Variants in DIAPH2 observed in about 807,000 individuals in gnomAD.
DIAPH2 encodes protein diaphanous homolog 2.
In DIAPH2, 35 loss-of-function variants were observed where a neutral mutation model predicts 92.7. The ratio of observed to expected loss-of-function variants is 0.38; its 90% CI spans 0.29 to 0.50. DIAPH2 has a LOEUF of 0.50. DIAPH2 is among the 20% of genes least tolerant of loss of function. DIAPH2 has a pLI of 0.94. For synonymous variants in DIAPH2, 301 were observed against 280.4 expected, an observed-to-expected ratio of 1.07 and a Z score of -0.73; for missense variants, 701 against 819.5, an observed-to-expected ratio of 0.86 and a Z score of 1.77.
chrX:96,914,829 A>G (rs1310388679), intron 7 of DIAPH2, among the ~76,000 whole-genome samples: 1 of 111,716 alleles, frequency 9.0e-6, no homozygotes, highest in Admixed American at 9.5e-5. Context: ...AGCATGGATT[A>G]ATGGATCTTT....
chrX:97,251,886 C>G (rs1291258911), intron 23 of DIAPH2, among the ~76,000 whole-genome samples: 2 of 111,829 alleles, frequency 1.8e-5, no homozygotes, highest in Non-Finnish European at 3.8e-5. Context: ...CTTCTTGCTT[C>G]TGTGGTCCTC....
intron 23 of DIAPH2, among the ~76,000 whole-genome samples, chrX:97,266,876 A>G (rs1176301849): frequency 1.8e-5 from 2 of 111,929 alleles, no homozygotes; most frequent in African/African-American, 6.5e-5. Flanking sequence ...AAATGACACG[A>G]TAATTCTTTG....
At chrX:97,046,703 G>A (rs1478909605) in intron 17 of DIAPH2, among the ~76,000 whole-genome samples, 1 of 111,917 alleles carries the variant, frequency 8.9e-6, no homozygotes, top group Non-Finnish European at 1.9e-5. Context: ...AGGGGAAAGT[G>A]CATTAGATAA....
chrX:97,597,856 A>C (rs1281142670), intron 26 of DIAPH2, among the ~76,000 whole-genome samples: 1 of 111,564 alleles, frequency 9.0e-6, no homozygotes, highest in African/African-American at 3.3e-5. Flanking sequence ...CATCACTCAG[A>C]TATATCTCTG....
At chrX:97,189,430 T>TCC (rs1167522094) in intron 22 of DIAPH2, among the ~76,000 whole-genome samples, 7 of 84,721 alleles carry the variant, frequency 8.3e-5, no homozygotes, top group Non-Finnish European at 1.1e-4. Context: ...GAATCAGTCG[T>TCC]CCCCCCCCCT....
chrX:96,980,038 C>T (rs983491284), intron 17 of DIAPH2, among the ~76,000 whole-genome samples: 1 of 110,769 alleles, frequency 9.0e-6, no homozygotes, highest in Non-Finnish European at 1.9e-5. Flanking sequence ...GTACCCACAA[C>T]CCCCGAAGCC....
intron 9 of DIAPH2, among the ~76,000 whole-genome samples, chrX:96,925,887 G>A (rs751223023): frequency 1.8e-5 from 2 of 111,314 alleles, no homozygotes; most frequent in East Asian, 5.6e-4. Context: ...ACTTCCGTTG[G>A]CTTGGAAAGT....
At chrX:96,795,205 C>A (rs1292780318) in intron 4 of DIAPH2, among the ~76,000 whole-genome samples, 1 of 111,484 alleles carries the variant, frequency 9.0e-6, no homozygotes, top group Non-Finnish European at 1.9e-5. Context: ...CTAACTATGA[C>A]CTCCCTGTCA....
At chrX:97,160,334 G>C (rs780719413) in intron 22 of DIAPH2, among the ~76,000 whole-genome samples, 1 of 112,364 alleles carries the variant, frequency 8.9e-6, no homozygotes, top group Non-Finnish European at 1.9e-5. Flanking sequence ...GAAGAGAACA[G>C]AGAATCTTGT....
Position 97,467,489 on chromosome X carries a change from T to C in DIAPH2, c.3241+37744T>C, listed in dbSNP as rs769977718. Among the ~76,000 whole-genome samples the C allele has an allele frequency of 1.6e-4, 18 of 112,024 alleles. No individual in the cohort carries two copies. In the East Asian group the frequency reaches 5.0e-3, roughly 31 times the overall value. On this transcript the variant is annotated intron_variant, in intron 26 of 26. Transcript: ENST00000324765. ...AAATGTGACTTGTGGATTCCCTTTGTACAGGACATATTCTTTGGTGTTAAT... is the reference window on the plus strand; with the variant it reads ...AAATGTGACTTGTGGATTCCCTTTGCACAGGACATATTCTTTGGTGTTAAT...
chrX:97,411,469 C>T (rs2069872423), intron 25 of DIAPH2, among the ~76,000 whole-genome samples: 1 of 111,703 alleles, frequency 9.0e-6, no homozygotes, highest in Non-Finnish European at 1.9e-5. Context: ...TAAAGACCAT[C>T]GAGGCTAGGA....
chrX:96,701,217 T>C (rs1283022063), intron 1 of DIAPH2, among the ~76,000 whole-genome samples: 1 of 111,969 alleles, frequency 8.9e-6, no homozygotes, highest in African/African-American at 3.2e-5. Flanking sequence ...ATGTATGTTA[T>C]AGTGTTCATT....
intron 21 of DIAPH2, among the ~76,000 whole-genome samples, chrX:97,128,291 G>A (rs1251627920): frequency 9.0e-6 from 1 of 110,650 alleles, no homozygotes; most frequent in East Asian, 2.9e-4. Flanking sequence ...AATTGTCATG[G>A]CGCTGGTGGG....
intron 17 of DIAPH2, among the ~76,000 whole-genome samples, chrX:97,046,774 A>G (rs1231346076): frequency 8.9e-6 from 1 of 111,908 alleles, no homozygotes; most frequent in Non-Finnish European, 1.9e-5. Context: ...CAGGGAGGCA[A>G]GTGAGGACAG....
At chrX:97,487,799 A>G (rs1468261721) in intron 26 of DIAPH2, among the ~76,000 whole-genome samples, 2 of 110,564 alleles carry the variant, frequency 1.8e-5, no homozygotes, top group Admixed American at 1.9e-4. Flanking sequence ...GTTGTTAAAT[A>G]GTAGACATCC....
intron 4 of DIAPH2, among the ~76,000 whole-genome samples, chrX:96,799,958 A>G (rs1412417553): frequency 9.0e-6 from 1 of 111,239 alleles, no homozygotes; most frequent in Non-Finnish European, 1.9e-5. Flanking sequence ...TGTTTCTACA[A>G]AATAATTCTT....
intron 24 of DIAPH2, among the ~76,000 whole-genome samples, chrX:97,349,541 A>G (rs2069192516): frequency 9.0e-6 from 1 of 111,423 alleles, no homozygotes; most frequent in Admixed American, 9.7e-5. Flanking sequence ...CATCTGTGAG[A>G]TATGAATATG....
In DIAPH2 at chrX:97,570,111, TA is replaced by T. The variant is rs1569426192; in HGVS notation, c.3242-29141del. 3.1e-3 allele frequency among the ~76,000 whole-genome samples: 102 copies of T among 32,447 alleles called. 1 individual carries two copies. Among genetic ancestry groups the T allele is most frequent in the African/African-American group, 8.9e-3 (91 of 10,199 alleles). The allele number at this position is 32,447 out of a possible 115,157, so 28.2% of individuals were successfully genotyped here. On this transcript the variant is annotated intron_variant, in intron 26 of 26. Coordinates refer to ENST00000324765, the MANE Select transcript of DIAPH2 (RefSeq NM_006729.5). ...ATATATATATATATATATATATATA[TA>T]TATATATATATTAGAAGATAGATAG...
chrX:97,062,259 T>C (rs776712357), intron 17 of DIAPH2, among the ~76,000 whole-genome samples: 1 of 112,400 alleles, frequency 8.9e-6, no homozygotes, highest in African/African-American at 3.2e-5. Context: ...GAAGATATTA[T>C]AAAGAGGGCT....
Sources: gnomAD v4.1 joint callset for allele counts (sites outside exome capture counted in the v4.1 genomes callset) on GRCh38, gnomAD v4.1.1 for gene constraint, MANE v1.5 for transcripts, NCBI Gene and HGNC (gene_info 2026-07-23, HGNC 2026-07-21) for gene names.